The following RANBP17 variants were observed in gnomAD, a reference collection of about 807,000 sequenced individuals.
RANBP17 encodes the protein ran-binding protein 17.
RANBP17 carries 158 observed loss-of-function variants against 141.2 expected under a neutral mutation model. The observed-to-expected ratio is 1.12, with a 90% CI of 0.98 to 1.28. The LOEUF is 1.28. Ranked by LOEUF, RANBP17 falls within the 50% of genes most tolerant of loss-of-function variation. The pLI, the probability that RANBP17 is intolerant of heterozygous loss-of-function variation, is 0.00. For synonymous variants in RANBP17, 430 were observed against 450.0 expected (o/e 0.96, Z 0.56); for missense variants, 1,438 against 1,290.7 (o/e 1.11, Z -1.75).
At chr5:171,229,171 G>A (rs1764056365) in intron 22 of RANBP17, among the ~76,000 whole-genome samples, 1 of 152,218 alleles carries the variant, frequency 6.6e-6, no homozygotes, top group Non-Finnish European at 1.5e-5. Context: ...TATGGATATG[G>A]TCTTCGATCT....
Position 171,262,297 on chromosome 5 carries a change from G to A in RANBP17, c.2777-3384G>A, listed in dbSNP as rs370865734. On this transcript the variant is annotated intron_variant, in intron 24 of 27. Coordinates refer to ENST00000523189, the MANE Select transcript of RANBP17 (RefSeq NM_022897.5). ...TAGAAATATGAAGGAAAAGAGAAAA[G>A]CAACCAGGCTCAACAAGTCTGTATT... Among the ~76,000 whole-genome samples, 41 of 152,288 alleles carry A rather than the reference G, an allele frequency of 2.7e-4. No individual in the cohort carries two copies. The South Asian group carries it at 7.9e-3, about 29-fold the overall frequency.
chr5:171,162,412 G>A (rs2127859589), intron 14 of RANBP17, among the ~76,000 whole-genome samples: 1 of 152,220 alleles, frequency 6.6e-6, no homozygotes, highest in Admixed American at 6.5e-5. Context: ...CCTGTCGGGA[G>A]GCATTAGGTT....
chr5:170,892,484 G>A lies in RANBP17; in HGVS notation c.354G>A (p.Gly118=), dbSNP rs1769724228. Residue 118 remains glycine (G), a synonymous_variant, in exon 4 of 28, where the codon GGG becomes GGA. Transcript: ENST00000523189. ...TCATTGCTAAAATCACTAAGTTGGG[G>A]TGGTTTGAGGTTCAGAAAGACCAAT... ...IQVIAKITKL[G]WFEVQKDQFV... 6.2e-7 allele frequency: 1 copy of A among 1,613,878 alleles called. No individual in the cohort carries two copies. The highest frequency in any genetic ancestry group is 8.5e-7 in the Non-Finnish European group (1 of 1,179,946).
At chr5:171,143,899 C>T (rs537700076) in intron 14 of RANBP17, among the ~76,000 whole-genome samples, 12 of 152,156 alleles carry the variant, frequency 7.9e-5, no homozygotes, top group East Asian at 3.9e-4. Context: ...GAAAGCCATG[C>T]GAGTATTACA....
intron 14 of RANBP17, among the ~76,000 whole-genome samples, chr5:171,120,110 T>C (rs938539520): frequency 6.6e-6 from 1 of 151,932 alleles, no homozygotes; most frequent in Non-Finnish European, 1.5e-5. Context: ...AAGAATTTTC[T>C]GTTTATCAGA....
chr5:171,110,982 G>A (rs1293806611), intron 14 of RANBP17, among the ~76,000 whole-genome samples: 1 of 151,542 alleles, frequency 6.6e-6, no homozygotes, highest in Non-Finnish European at 1.5e-5. Context: ...TCTAGCATTA[G>A]GTATATCTCC....
chr5:171,079,400 A>C (rs532796214), intron 14 of RANBP17, among the ~76,000 whole-genome samples: 1 of 152,392 alleles, frequency 6.6e-6, no homozygotes, highest in East Asian at 1.9e-4. Context: ...ACATTAGTTG[A>C]TAAAGTGATG....
intron 14 of RANBP17, among the ~76,000 whole-genome samples, chr5:171,054,694 G>A (rs1783222359): frequency 6.6e-6 from 1 of 152,040 alleles, no homozygotes; most frequent in Non-Finnish European, 1.5e-5. Flanking sequence ...TAGCCTCCTG[G>A]GAATGCAGCC....
At chr5:171,138,100 C>T (rs1196746287) in intron 14 of RANBP17, among the ~76,000 whole-genome samples, 2 of 151,894 alleles carry the variant, frequency 1.3e-5, no homozygotes, top group African/African-American at 4.8e-5. Flanking sequence ...ACTAGATTGC[C>T]CTTGAGAACT....
intron 10 of RANBP17, 47 bp from the exon 11 acceptor site, chr5:170,919,394 T>C (rs2127436468): frequency 8.1e-7 from 1 of 1,232,372 alleles, no homozygotes; most frequent in Non-Finnish European, 1.1e-6. Flanking sequence ...ATTCTTATTG[T>C]AGGAAGATGT....
chr5:170,897,133 ACT>A (rs2127394210), intron 5 of RANBP17: 1 of 827,908 alleles, frequency 1.2e-6, no homozygotes, highest in East Asian at 3.3e-5. Context: ...TGCAGGGACC[ACT>A]GAGAGATGTA....
At chr5:171,177,487 A>G (rs1354213592) in intron 16 of RANBP17, among the ~76,000 whole-genome samples, 3 of 152,150 alleles carry the variant, frequency 2.0e-5, no homozygotes, top group Non-Finnish European at 4.4e-5. Flanking sequence ...CCATTAGACC[A>G]CAATTTGTAC....
chr5:171,131,930 A>C (rs1344242948), intron 14 of RANBP17, among the ~76,000 whole-genome samples: 3 of 152,216 alleles, frequency 2.0e-5, no homozygotes, highest in Non-Finnish European at 4.4e-5. Flanking sequence ...TATAGCTCAG[A>C]TGCAATGATT....
At chr5:171,264,537 C>A (rs965660260) in intron 24 of RANBP17, among the ~76,000 whole-genome samples, 6 of 152,136 alleles carry the variant, frequency 3.9e-5, no homozygotes, top group African/African-American at 1.4e-4. Context: ...GTGTCCTCAC[C>A]TGTAAATGGA....
At chr5:171,021,640 T>C (rs1780863923) in intron 14 of RANBP17, among the ~76,000 whole-genome samples, 1 of 152,270 alleles carries the variant, frequency 6.6e-6, no homozygotes, top group Admixed American at 6.5e-5. Flanking sequence ...TGTTCCTGTC[T>C]AAACTGGTTA....
chr5:171,058,199 T>A lies in RANBP17; in HGVS notation c.1710+89822T>A, dbSNP rs528333637. On this transcript the variant is annotated intron_variant, in intron 14 of 27. Coordinates refer to ENST00000523189, the MANE Select transcript of RANBP17 (RefSeq NM_022897.5). ...ATTATACTTTAAGTTTTAGGGTACA[T>A]GTGCACAATTTGCAGGTTAGTTACA... Among the ~76,000 whole-genome samples, 198 of 152,104 alleles carry A rather than the reference T, an allele frequency of 1.3e-3. 1 individual carries two copies. The highest frequency in any genetic ancestry group is 4.7e-3 in the African/African-American group (193 of 41,502).
chr5:170,910,907 C>A, intron 6 of RANBP17, 62 bp from the exon 7 acceptor site: 2 of 1,472,618 alleles, frequency 1.4e-6, no homozygotes, highest in Non-Finnish European at 1.9e-6. Flanking sequence ...TATTTTAATT[C>A]ATGAAGTGTA....
intron 14 of RANBP17, among the ~76,000 whole-genome samples, chr5:171,153,965 T>C (rs1758670227): frequency 6.6e-6 from 1 of 151,956 alleles, no homozygotes; most frequent in African/African-American, 2.4e-5. Flanking sequence ...AGGCGGAGGT[T>C]GCAGTGAGCC....
intron 12 of RANBP17, among the ~76,000 whole-genome samples, chr5:170,946,542 G>A (rs1774776870): frequency 6.6e-6 from 1 of 152,072 alleles, no homozygotes; most frequent in Non-Finnish European, 1.5e-5. Flanking sequence ...ATATAAAGTC[G>A]CTGTGAACAA....
Sources: allele counts gnomAD v4.1 joint callset (sites outside exome capture counted in the v4.1 genomes callset), GRCh38; gene constraint gnomAD v4.1.1; transcripts MANE v1.5; gene names NCBI Gene and HGNC (gene_info 2026-07-23, HGNC 2026-07-21).